FAM149A: variants seen among roughly 807,000 people sequenced by gnomAD.
FAM149A encodes the protein protein FAM149A.
Under a neutral mutation model 78.2 loss-of-function variants are expected in FAM149A, and 71 were observed. That is an observed-to-expected ratio of 0.91 (90% confidence interval 0.75 to 1.11). The LOEUF (loss-of-function observed/expected upper bound fraction) is 1.11. Ranked by LOEUF, FAM149A falls within the 50% of genes least tolerant of loss-of-function variation. FAM149A has a pLI of 0.00. For missense variants in FAM149A, 1,036 were observed against 971.0 expected, an observed-to-expected ratio of 1.07 and a Z score of -0.89; for synonymous variants, 446 against 410.5, an observed-to-expected ratio of 1.09 and a Z score of -1.04.
At chr4:186,131,680 A>G (rs955061171) in intron 1 of FAM149A, among the ~76,000 whole-genome samples, 3 of 152,244 alleles carry the variant, frequency 2.0e-5, no homozygotes, top group African/African-American at 7.2e-5. Flanking sequence ...CACTACACAT[A>G]CAAAACAATT....
chr4:186,123,970 T>G, intron 1 of FAM149A: 2 of 985,072 alleles, frequency 2.0e-6, no homozygotes, highest in African/African-American at 3.5e-5. Context: ...CCATCTTAAC[T>G]AGATAGCTAA....
rs969671204 is a variant in FAM149A at position 186,110,404 on chromosome 4, T to A, written c.566+4762T>A. 660 of 792,802 alleles carry A rather than the reference T, an allele frequency of 8.3e-4. 2 individuals carry two copies. The highest frequency in any genetic ancestry group is 9.2e-4 in the Non-Finnish European group (605 of 654,338). 49.1% of individuals were successfully genotyped at this position (792,802 alleles called of 1,614,324 possible). A position where few individuals can be genotyped will look rare whatever the true frequency, so the allele number is the denominator to read the frequency against. On this transcript the variant is annotated intron_variant, in intron 1 of 13. Transcript: ENST00000389354. Reference sequence around the variant, plus strand: ...ATAAGCGTTACTTTCTTTTTTTTTTTTTATTATACTTTAAGTTTTAGGGTA... The same window carrying A: ...ATAAGCGTTACTTTCTTTTTTTTTTATTATTATACTTTAAGTTTTAGGGTA...
At chr4:186,167,426 G>A in intron 13 of FAM149A, 164 bp downstream of exon 13, 1 of 700,082 alleles carries the variant, frequency 1.4e-6, no homozygotes, top group Non-Finnish European at 2.6e-6. Flanking sequence ...CGATCACAGA[G>A]CACACCTGCA....
intron 1 of FAM149A, chr4:186,110,228 CA>C: frequency 1.0e-6 from 1 of 985,290 alleles, no homozygotes; most frequent in African/African-American, 1.7e-5. Context: ...TACAACAACC[CA>C]GGGGCAGTTT....
At chr4:186,108,855 T>G (rs1299801671) in intron 1 of FAM149A, among the ~76,000 whole-genome samples, 2 of 151,974 alleles carry the variant, frequency 1.3e-5, no homozygotes, top group Non-Finnish European at 2.9e-5. Context: ...CTCTGGTTTT[T>G]TTTTTTTTTT....
At chr4:186,165,591 T>G in intron 11 of FAM149A, 127 bp downstream of exon 11, 1 of 877,262 alleles carries the variant, frequency 1.1e-6, no homozygotes, top group Non-Finnish European at 1.7e-6. Flanking sequence ...TTCAAATGCC[T>G]TCATAATCTG....
intron 1 of FAM149A, among the ~76,000 whole-genome samples, chr4:186,147,434 G>A (rs1039243960): frequency 3.9e-5 from 6 of 152,172 alleles, no homozygotes; most frequent in Non-Finnish European, 8.8e-5. Flanking sequence ...AGGTAAACCC[G>A]ATTTATGTAG....
At chr4:186,165,559 A>G in intron 11 of FAM149A, 95 bp downstream of exon 11, 1 of 1,280,774 alleles carries the variant, frequency 7.8e-7, no homozygotes, top group Non-Finnish European at 1.1e-6. Flanking sequence ...GAAATTAGTA[A>G]CATGAGATCT....
Position 186,162,878 on chromosome 4 carries a change from A to G in FAM149A, c.1609A>G (p.Met537Val), listed in dbSNP as rs545080144. Residue 537 changes from methionine to valine, a missense_variant, in exon 9 of 14, where the codon ATG becomes GTG. By Grantham distance (21) the Met-to-Val change is conservative (BLOSUM62 1). Around this residue, in one of 3 missense-constraint regions of FAM149A, gnomAD observed 716 missense variants for 711.8 expected, o/e 1.01. Coordinates refer to ENST00000389354, the MANE Select transcript of FAM149A (RefSeq NM_001367768.3). The stretch of plus-strand genomic sequence containing the variant: ...CTTCTCCAGCAGTTTTTATAGTGAC[A>G]TGAATGGTGTCATGACAATTCAAGC... 7 of 1,589,824 alleles carry G rather than the reference A, an allele frequency of 4.4e-6. No individual in the cohort carries two copies. In the African/African-American group the frequency reaches 8.5e-5, roughly 19 times the overall value.
intron 13 of FAM149A, chr4:186,169,347 T>G: frequency 1.0e-6 from 1 of 985,268 alleles, no homozygotes; most frequent in African/African-American, 1.7e-5. Flanking sequence ...AGAACGCGGC[T>G]CAAAGGCGTG....
Position 186,144,683 on chromosome 4 carries a change from G to T in FAM149A, c.567-4490G>T, listed in dbSNP as rs961007569. The T allele has an allele frequency of 4.2e-6, 2 of 479,148 alleles. No individual in the cohort carries two copies. The highest frequency in any genetic ancestry group is 5.5e-6 in the Non-Finnish European group (2 of 366,322). 29.7% of individuals were successfully genotyped at this position (479,148 alleles called of 1,614,324 possible). On this transcript the variant is annotated intron_variant, in intron 1 of 13. Transcript: ENST00000389354. This position sits in a 1 kb window ranked among gnomAD's most constrained non-coding sequence, Gnocchi z 4.2. ...GGCCGCTGGGTTGGAAACCCGGCCC[G>T]GCAGGGAGCGGGGAAGGCGCGCTTT...
chr4:186,158,717 C>T, intron 8 of FAM149A: 2 of 1,020,912 alleles, frequency 2.0e-6, no homozygotes, highest in East Asian at 9.8e-5. Flanking sequence ...TCTGAAGGTG[C>T]AGGTACCCCC....
At chr4:186,121,557 T>C (rs78037352) in intron 1 of FAM149A, among the ~76,000 whole-genome samples, 2,697 of 152,336 alleles carry the variant, frequency 0.018, 80 homozygotes, top group African/African-American at 0.062. Context: ...GAAATTTCTT[T>C]AGTAGAGCAT....
At position 186,172,665 on chromosome 4, in the gene FAM149A, G is replaced by A. The variant is rs1735614546; in HGVS notation, c.*678G>A. On this transcript the variant is annotated 3_prime_UTR_variant, in exon 14 of 14. Coordinates refer to ENST00000389354, the MANE Select transcript of FAM149A (RefSeq NM_001367768.3). ...GAATATAAACGCAATTAAAAGCTAT[G>A]GCAGGTGATGTCATCTTTATTGTTT... is the stretch of plus-strand genomic sequence containing the variant. 1.8e-5 allele frequency: 2 copies of A among 111,990 alleles called. 1 individual carries two copies. Among genetic ancestry groups the A allele is most frequent in the African/African-American group, 5.6e-5 (2 of 35,706 alleles). The allele number at this position is 111,990 out of a possible 1,614,324, so 6.9% of individuals were successfully genotyped here.
chr4:186,133,213 G>A, intron 1 of FAM149A: 1 of 983,614 alleles, frequency 1.0e-6, no homozygotes, highest in Non-Finnish European at 1.2e-6. Flanking sequence ...GCATGAGACA[G>A]AATTTATTTT....
chr4:186,104,861 C>A lies in FAM149A; in HGVS notation c.-216C>A. On this transcript the variant is annotated 5_prime_UTR_variant, in exon 1 of 14. Transcript: ENST00000389354. ...GCTGGGACGAGGCGGGGCTGCTCTC[C>A]GCAGCCGGGGCGCTCGGCGGACGGA... 1.4e-6 allele frequency: 1 copy of A among 707,166 alleles called. No homozygotes were observed. The highest frequency in any genetic ancestry group is 6.3e-5 in the South Asian group (1 of 15,880). 43.8% of individuals were successfully genotyped at this position (707,166 alleles called of 1,614,324 possible).
chr4:186,160,122 C>CAT (rs1439941837), intron 8 of FAM149A, among the ~76,000 whole-genome samples: 2 of 141,334 alleles, frequency 1.4e-5, no homozygotes, highest in Non-Finnish European at 3.1e-5. Flanking sequence ...CGCACACACA[C>CAT]CACACACCAA....
At chr4:186,106,774 C>G (rs892070719) in intron 1 of FAM149A, among the ~76,000 whole-genome samples, 2 of 152,006 alleles carry the variant, frequency 1.3e-5, no homozygotes, top group Non-Finnish European at 2.9e-5. Flanking sequence ...GATGAAACCC[C>G]GTCTCTACTA....
chr4:186,153,550 A>G (rs756245931), intron 4 of FAM149A, 95 bp from the exon 5 acceptor site: 42 of 1,528,186 alleles, frequency 2.7e-5, no homozygotes, highest in Non-Finnish European at 3.5e-5. Flanking sequence ...TATCATACAC[A>G]TGCCTTCAAA....
Sources: allele counts gnomAD v4.1 joint callset (sites outside exome capture counted in the v4.1 genomes callset), GRCh38; gene constraint gnomAD v4.1.1; regional missense constraint gnomAD v4.1.1; non-coding constraint Gnocchi (gnomAD v3.1); transcripts MANE v1.5; gene names NCBI Gene and HGNC (gene_info 2026-07-23, HGNC 2026-07-21).